The following DNAI4 variants were observed in gnomAD, a reference collection of about 807,000 sequenced individuals.
DNAI4 encodes the protein dynein axonemal intermediate chain 4.
Under a neutral mutation model 105.8 loss-of-function variants are expected in DNAI4, and 85 were observed. The observed-to-expected ratio is 0.80, with a 90% CI of 0.67 to 0.96. The LOEUF (loss-of-function observed/expected upper bound fraction) is 0.96. Ranked by LOEUF, DNAI4 falls within the 40% of genes least tolerant of loss-of-function variation. The pLI is 0.00. For missense variants in DNAI4, 1,014 were observed against 1,005.6 expected, an observed-to-expected ratio of 1.01 and a Z score of -0.11; for synonymous variants, 352 against 331.5, an observed-to-expected ratio of 1.06 and a Z score of -0.67.
intron 9 of DNAI4, among the ~76,000 whole-genome samples, chr1:66,839,289 A>G (rs964554206): frequency 6.6e-6 from 1 of 152,302 alleles, no homozygotes. Context: ...ATTAATTAAA[A>G]TTAATTCCAC....
intron 7 of DNAI4, among the ~76,000 whole-genome samples, chr1:66,854,209 T>C (rs570578126): frequency 1.4e-4 from 21 of 152,220 alleles, no homozygotes; most frequent in Admixed American, 2.0e-4. Flanking sequence ...CTGGGCAACA[T>C]AGTGAGACCT....
chr1:66,876,141 A>G (rs1169213542), intron 4 of DNAI4, among the ~76,000 whole-genome samples: 1 of 152,030 alleles, frequency 6.6e-6, no homozygotes, highest in Non-Finnish European at 1.5e-5. Flanking sequence ...TTATTTATAT[A>G]AGTAAATTTG....
intron 4 of DNAI4, among the ~76,000 whole-genome samples, chr1:66,877,322 C>T (rs1025426148): frequency 3.0e-4 from 45 of 152,296 alleles, no homozygotes; most frequent in African/African-American, 1.0e-3. Flanking sequence ...TTGGCCCCTA[C>T]CTTGCAATTA....
chr1:66,905,559 C>T (rs1322097707), intron 1 of DNAI4, among the ~76,000 whole-genome samples, 184 bp from the exon 2 acceptor site: 1 of 152,150 alleles, frequency 6.6e-6, no homozygotes, highest in Non-Finnish European at 1.5e-5. Flanking sequence ...GCATATATTA[C>T]ATCACTTTCT....
chr1:66,854,041 T>C (rs914555619), intron 7 of DNAI4, among the ~76,000 whole-genome samples: 2 of 152,176 alleles, frequency 1.3e-5, no homozygotes, highest in African/African-American at 4.8e-5. Context: ...AAGAAAAACA[T>C]AGAAGAATCT....
At chr1:66,895,301 GA>G (rs1309493483) in intron 2 of DNAI4, among the ~76,000 whole-genome samples, 2 of 152,266 alleles carry the variant, frequency 1.3e-5, no homozygotes, top group East Asian at 3.9e-4. Context: ...CAACACAGCA[GA>G]ATCTCGTCTT....
At chr1:66,873,746 C>T (rs1285393118) in intron 5 of DNAI4, among the ~76,000 whole-genome samples, 2 of 152,000 alleles carry the variant, frequency 1.3e-5, no homozygotes, top group Non-Finnish European at 2.9e-5. Context: ...ACCCAAGACT[C>T]ATCACTGGTC....
chr1:66,844,895 T>C (rs1646237373), intron 8 of DNAI4, among the ~76,000 whole-genome samples: 1 of 152,066 alleles, frequency 6.6e-6, no homozygotes, highest in Admixed American at 6.5e-5. Context: ...AACTTGATTT[T>C]TTAAAAGACA....
At chr1:66,880,114 C>G (rs1359377912) in intron 4 of DNAI4, among the ~76,000 whole-genome samples, 5 of 152,208 alleles carry the variant, frequency 3.3e-5, no homozygotes, top group Non-Finnish European at 7.3e-5. Context: ...ACTTGCTCAT[C>G]CTTGCCTTCT....
At chr1:66,831,963 T>G (rs1174479422) in intron 13 of DNAI4, among the ~76,000 whole-genome samples, 2 of 152,174 alleles carry the variant, frequency 1.3e-5, no homozygotes, top group African/African-American at 2.4e-5. Context: ...GGGACTGATG[T>G]GCACTGGGAG....
intron 4 of DNAI4, among the ~76,000 whole-genome samples, chr1:66,875,739 C>T (rs1022876778): frequency 6.6e-6 from 1 of 152,008 alleles, no homozygotes. Flanking sequence ...AACTTAAAAA[C>T]GTCTCAGTCT....
intron 2 of DNAI4, among the ~76,000 whole-genome samples, chr1:66,903,486 G>A (rs920658064): frequency 1.3e-5 from 2 of 151,850 alleles, no homozygotes; most frequent in African/African-American, 2.4e-5. Context: ...CTTCCTTTCC[G>A]ATCTGGGTGC....
chr1:66,837,821 A>G lies in DNAI4; in HGVS notation c.1495-25T>C, dbSNP rs1330348370. 5.7e-6 allele frequency: 9 copies of G among 1,573,430 alleles called. No homozygotes were observed. In the East Asian group the frequency reaches 1.6e-4, roughly 28 times the overall value. ...CCTGAAAACCAGAAAAATACATTTA[A>G]AAATAAGAGAAGATAGCATTAAAAT... On this transcript the variant is annotated intron_variant, in intron 9 of 16. Transcript: ENST00000371026.
At chr1:66,826,713 T>G (rs774246481) in intron 15 of DNAI4, 107 bp downstream of exon 15, 4 of 941,804 alleles carry the variant, frequency 4.2e-6, no homozygotes, top group Non-Finnish European at 6.5e-6. Flanking sequence ...AAACTATTAC[T>G]TCTTTTAAAG....
chr1:66,870,746 C>T (rs1333001712), intron 6 of DNAI4: 9 of 57,476 alleles, frequency 1.6e-4, no homozygotes, highest in South Asian at 1.5e-3. Flanking sequence ...GAGACTCTGA[C>T]GCAAAAAAAA....
At chr1:66,821,302 T>C (rs975288639) in intron 16 of DNAI4, among the ~76,000 whole-genome samples, 2 of 151,994 alleles carry the variant, frequency 1.3e-5, no homozygotes, top group African/African-American at 4.8e-5. Context: ...TTTCACCATA[T>C]TGGCCAGGCT....
intron 7 of DNAI4, among the ~76,000 whole-genome samples, chr1:66,852,173 T>G (rs1425111060): frequency 2.0e-5 from 3 of 151,724 alleles, no homozygotes; most frequent in African/African-American, 7.2e-5. Context: ...TAAAAACAAC[T>G]ATTAAAAATT....
chr1:66,896,101 T>C (rs1648314472), intron 2 of DNAI4, among the ~76,000 whole-genome samples: 1 of 152,186 alleles, frequency 6.6e-6, no homozygotes, highest in Non-Finnish European at 1.5e-5. Context: ...ACTTTTAGTG[T>C]TCTGTTTTCA....
intron 1 of DNAI4, among the ~76,000 whole-genome samples, chr1:66,915,440 T>C (rs1177050321): frequency 6.6e-6 from 1 of 152,226 alleles, no homozygotes; most frequent in Non-Finnish European, 1.5e-5. Flanking sequence ...CAATGGCGGT[T>C]TCATAACTTT....
Sources: allele counts gnomAD v4.1 joint callset (sites outside exome capture counted in the v4.1 genomes callset), GRCh38; gene constraint gnomAD v4.1.1; transcripts MANE v1.5; gene names NCBI Gene and HGNC (gene_info 2026-07-23, HGNC 2026-07-21).